MORC2: variants seen among roughly 807,000 people sequenced by gnomAD.
MORC2 encodes MORC family CW-type zinc finger 2.
In MORC2, 30 loss-of-function variants were observed where a neutral mutation model predicts 136.0. That is an observed-to-expected ratio of 0.22 (90% CI 0.17 to 0.30). The LOEUF (loss-of-function observed/expected upper bound fraction) is 0.30, where lower values mean the gene tolerates loss of function less well. Among genes scored for constraint, MORC2 ranks in the 10% least tolerant of loss-of-function variants. MORC2 has a pLI of 1.00. For synonymous variants in MORC2, 439 were observed against 487.0 expected (o/e 0.90, Z 1.30); for missense variants, 922 against 1,333.1 (o/e 0.69, Z 4.80).
intron 16 of MORC2, 38 bp downstream of exon 16, chr22:30,936,894 A>G (rs775407682): frequency 1.7e-5 from 27 of 1,576,278 alleles, no homozygotes; most frequent in Non-Finnish European, 2.4e-5. Flanking sequence ...GCAGGGGAGA[A>G]AAGTACCCAC....
At chr22:30,950,341 C>CT in intron 4 of MORC2, 36 bp downstream of exon 4, 1 of 516,786 alleles carries the variant, frequency 1.9e-6, no homozygotes, top group South Asian at 1.8e-5. Context: ...TACATCGCAC[C>CT]CCCCCACCCC....
At chr22:30,965,066 A>G (rs1057156847) in intron 1 of MORC2, among the ~76,000 whole-genome samples, 6 of 152,258 alleles carry the variant, frequency 3.9e-5, no homozygotes, top group Non-Finnish European at 7.3e-5. Flanking sequence ...GACCTGTCCA[A>G]GGACACAGCC....
Position 30,937,047 on chromosome 22 carries a change from G to A in MORC2, c.1499-10C>T, listed in dbSNP as rs1261714966. The A allele has an allele frequency of 3.7e-6, 6 of 1,601,656 alleles. No individual in the cohort carries two copies. Among genetic ancestry groups the A allele is most frequent in the Non-Finnish European group, 3.4e-6 (4 of 1,169,088 alleles). On this transcript the variant is annotated splice_polypyrimidine_tract_variant and intron_variant, in intron 15 of 25. Transcript: ENST00000397641. This position sits in a 1 kb window ranked among gnomAD's most constrained non-coding sequence, Gnocchi z 4.7. ...CATTTCAGACACAAATCTGCAGAGAGCAAAAAAACCCCACATATCAGCCAC... is the reference window on the plus strand; with the variant it reads ...CATTTCAGACACAAATCTGCAGAGAACAAAAAAACCCCACATATCAGCCAC...
chr22:30,930,602 A>G (rs976583054), intron 24 of MORC2, among the ~76,000 whole-genome samples: 2 of 152,212 alleles, frequency 1.3e-5, no homozygotes, highest in African/African-American at 4.8e-5. Flanking sequence ...CACATTTTAA[A>G]AAGTAGAATA....
chr22:30,950,407 A>T lies in MORC2; in HGVS notation c.196T>A (p.Phe66Ile). ...TCCATTCCTGCTCCATCATCCAAAA[A>T]GCAAAGCATAAATCCTCCTCGAAGG... ...EDLRGGFMLC[F>I]LDDGAGMDPS... The change falls in exon 4 of 26, where the codon TTT becomes ATT. Residue 66 changes from phenylalanine to isoleucine, a missense_variant. Physicochemically the swap from Phe to Ile is conservative, Grantham distance 21 (BLOSUM62 0). Transcript: ENST00000397641. 6.2e-7 allele frequency: 1 copy of T among 1,611,708 alleles called. No homozygotes were observed. The highest frequency in any genetic ancestry group is 1.1e-5 in the South Asian group (1 of 90,984).
rs370149816 is a variant in MORC2 at position 30,933,016 on chromosome 22, C to T, written c.2395G>A (p.Val799Met). 1.2e-6 allele frequency: 2 copies of T among 1,614,084 alleles called. No individual in the cohort carries two copies. The highest frequency in any genetic ancestry group is 1.7e-6 in the Non-Finnish European group (2 of 1,180,036). Residue 799 changes from valine (V) to methionine (M), a missense_variant, in exon 22 of 26, where the codon GTG becomes ATG. Transcript: ENST00000397641. ...KRAQKDKGLH[V>M]EVRVNREWYT... ...CACTCCCTGTTCACACGCACCTCCA[C>T]GTGCAGCCCTTTATCTGACAATGTA... is the stretch of plus-strand genomic sequence containing the variant.
chr22:30,967,544 T>G, intron 1 of MORC2: 1 of 1,246,842 alleles, frequency 8.0e-7, no homozygotes, highest in Non-Finnish European at 1.0e-6. Flanking sequence ...CTATAAACAC[T>G]TGAATGAAAC....
rs1667498168 is a variant in MORC2, at chr22:30,934,251, GATTTCATC to G, written c.2194-68_2194-61del. On this transcript the variant is annotated intron_variant, in intron 19 of 25. Transcript: ENST00000397641. This position sits in a 1 kb window ranked among gnomAD's most constrained non-coding sequence, Gnocchi z 4.4. Reference sequence around the variant, plus strand: ...CTGTTCAGCCTCTAAGGAGCAGGAAGATTTCATCTAGCCTAAAGGAGTCGTTCCAAGAG... The same window carrying G: ...CTGTTCAGCCTCTAAGGAGCAGGAAGTAGCCTAAAGGAGTCGTTCCAAGAG... 7 of 1,608,256 alleles carry G rather than the reference GATTTCATC, an allele frequency of 4.4e-6. No individual in the cohort carries two copies. The highest frequency in any genetic ancestry group is 5.9e-6 in the Non-Finnish European group (7 of 1,176,840).
At chr22:30,964,484 A>C (rs978779126) in intron 1 of MORC2, among the ~76,000 whole-genome samples, 5 of 152,216 alleles carry the variant, frequency 3.3e-5, no homozygotes, top group Non-Finnish European at 7.3e-5. Flanking sequence ...CTATCAGACC[A>C]CTTAGCAGTA....
intron 21 of MORC2, 32 bp downstream of exon 21, chr22:30,933,434 C>A (rs2040605638): frequency 6.2e-7 from 1 of 1,611,220 alleles, no homozygotes; most frequent in African/African-American, 1.3e-5. Context: ...CCCACCCCCG[C>A]CACAGGCTGC....
At chr22:30,956,176 G>C (rs542761721) in intron 3 of MORC2, among the ~76,000 whole-genome samples, 6 of 152,220 alleles carry the variant, frequency 3.9e-5, no homozygotes, top group South Asian at 4.1e-4. Context: ...CTAGGAAAAG[G>C]AGAAGATCTT....
In MORC2 at chr22:30,942,001, T is replaced by G; in HGVS notation, c.588A>C (p.Gly196=). The change falls in exon 8 of 26, where the codon GGA becomes GGC. Residue 196 remains glycine, a splice_region_variant and synonymous_variant. Transcript: ENST00000397641. ...TQFMKIPGDS[G]TLVIIFNLKL... ...TGAGATTGAAGATGATCACCAATGTTCCTGAGAAACAGAAATCTTTTGTCC... is the reference window on the plus strand; with the variant it reads ...TGAGATTGAAGATGATCACCAATGTGCCTGAGAAACAGAAATCTTTTGTCC... The G allele has an allele frequency of 6.2e-7, 1 of 1,612,852 alleles. No homozygotes were observed. Among genetic ancestry groups the G allele is most frequent in the South Asian group, 1.1e-5 (1 of 91,048 alleles).
chr22:30,967,095 T>C, intron 1 of MORC2: 1 of 985,038 alleles, frequency 1.0e-6, no homozygotes, highest in Non-Finnish European at 1.2e-6. Flanking sequence ...GGTGAATGTA[T>C]TAAAACACTA....
rs189466617 is a variant in MORC2, at chr22:30,963,546, G to A, written c.68+4276C>T. Among the ~76,000 whole-genome samples, 35 of 151,960 alleles carry A rather than the reference G, an allele frequency of 2.3e-4. 1 individual carries two copies. The highest frequency in any genetic ancestry group is 2.9e-5 in the Non-Finnish European group (2 of 67,964). ...ATTACAGGCACAAGCTACCATGCCC[G>A]GCTAATTTTTTGTATTTTTAATAGC... On this transcript the variant is annotated intron_variant, in intron 1 of 25. Transcript: ENST00000397641.
chr22:30,935,296 T>C lies in MORC2; in HGVS notation c.1764A>G (p.Ala588=). ...CTTCCAAGGGCAATTTCTTCAGGTC[T>C]GCTTGGGAGCGGATGGGTGTGGTTT... The part of the protein sequence containing the change: ...LQKTTPIRSQ[A]DLKKLPLEVT... Residue 588 remains alanine, a synonymous_variant, in exon 18 of 26, where the codon GCA becomes GCG. Transcript: ENST00000397641. 6.2e-7 allele frequency: 1 copy of C among 1,614,034 alleles called. No homozygotes were observed. Among genetic ancestry groups the C allele is most frequent in the Non-Finnish European group, 8.5e-7 (1 of 1,180,000 alleles).
At chr22:30,933,350 G>T in intron 21 of MORC2, 116 bp downstream of exon 21, 2 of 1,162,788 alleles carry the variant, frequency 1.7e-6, no homozygotes, top group Non-Finnish European at 2.5e-6. Context: ...CTGCACAAGA[G>T]CCCAGACCCA....
Position 30,936,554 on chromosome 22 carries a change from G to T in MORC2, c.1694C>A (p.Thr565Lys), listed in dbSNP as rs1467916987. Residue 565 changes from threonine (T) to lysine (K), a missense_variant, in exon 17 of 26, where the codon ACA (threonine) becomes AAA (lysine). Coordinates refer to ENST00000397641, the MANE Select transcript of MORC2 (RefSeq NM_001303256.3). ...KTQEEKQKQLTEKIRQQQEKL... is the reference protein window; with the variant it reads ...KTQEEKQKQLKEKIRQQQEKL... Reference sequence around the variant, plus strand: ...CTCCTGCTGCTGGCGAATTTTCTCTGTCAGTTGTTTCTGCTTCTCTTCCTG... The same window carrying T: ...CTCCTGCTGCTGGCGAATTTTCTCTTTCAGTTGTTTCTGCTTCTCTTCCTG... The T allele has an allele frequency of 3.7e-6, 6 of 1,614,068 alleles. No individual in the cohort carries two copies. The highest frequency in any genetic ancestry group is 5.1e-6 in the Non-Finnish European group (6 of 1,180,054).
intron 25 of MORC2, 104 bp downstream of exon 25, chr22:30,927,915 T>G (rs532625541): frequency 7.1e-7 from 1 of 1,402,604 alleles, no homozygotes; most frequent in African/African-American, 1.4e-5. Context: ...GAACCATAGA[T>G]TCCTGTGAGT....
Position 30,936,689 on chromosome 22 carries a change from A to G in MORC2, c.1605-46T>C, listed in dbSNP as rs770860754. 13 of 1,599,578 alleles carry G rather than the reference A, an allele frequency of 8.1e-6. No homozygotes were observed. In the South Asian group the frequency reaches 1.1e-4, roughly 14 times the overall value. On this transcript the variant is annotated intron_variant, in intron 16 of 25. Transcript: ENST00000397641. ...AGAGGTCGTGGCAAACAGAGCGCCA[A>G]GCTCGGCAAGGACCTTTCTCTTCAG...
Sources: allele counts gnomAD v4.1 joint callset (sites outside exome capture counted in the v4.1 genomes callset), GRCh38; gene constraint gnomAD v4.1.1; non-coding constraint Gnocchi (gnomAD v3.1); transcripts MANE v1.5; gene names NCBI Gene and HGNC (gene_info 2026-07-23, HGNC 2026-07-21).